MCCC2: variants seen among roughly 807,000 people sequenced by gnomAD.
MCCC2 encodes methylcrotonoyl-CoA carboxylase beta chain, mitochondrial.
In MCCC2, 52 loss-of-function variants were observed where a neutral mutation model predicts 77.2. The observed-to-expected ratio is 0.67, with a 90% CI of 0.54 to 0.85. The LOEUF is 0.85. Among genes scored for constraint, MCCC2 ranks in the 40% least tolerant of loss-of-function variants. MCCC2 has a pLI of 0.00. For synonymous variants in MCCC2, 253 were observed against 248.4 expected, an observed-to-expected ratio of 1.02 and a Z score of -0.18; for missense variants, 682 against 703.2, an observed-to-expected ratio of 0.97 and a Z score of 0.34.
chr5:71,601,371 A>G (rs560477895), intron 4 of MCCC2, among the ~76,000 whole-genome samples: 94 of 152,334 alleles, frequency 6.2e-4, no homozygotes, highest in African/African-American at 2.1e-3. Flanking sequence ...AAGTATGAGC[A>G]CACACTCTGG....
At chr5:71,617,726 A>C (rs1746213773) in intron 6 of MCCC2, among the ~76,000 whole-genome samples, 1 of 152,100 alleles carries the variant, frequency 6.6e-6, no homozygotes, top group Admixed American at 6.6e-5. Context: ...TCCTTACTCA[A>C]ATTTAGTTGT....
At position 71,626,756 on chromosome 5, in the gene MCCC2, A is replaced by G; in HGVS notation, c.738+3A>G. ...TTTTCTTGGCAGGACCCCCCTTGGT[A>G]AGAACATAAGAACGTTGGTCGATGG... is the stretch of plus-strand genomic sequence containing the variant. On this transcript the variant is annotated splice_donor_region_variant and intron_variant, in intron 7 of 16. Coordinates refer to ENST00000340941, the MANE Select transcript of MCCC2 (RefSeq NM_022132.5). The G allele has an allele frequency of 6.2e-7, 1 of 1,612,300 alleles. No individual in the cohort carries two copies. The highest frequency in any genetic ancestry group is 2.2e-5 in the East Asian group (1 of 44,876).
intron 8 of MCCC2, among the ~76,000 whole-genome samples, chr5:71,633,246 G>A (rs967871011): frequency 4.6e-5 from 7 of 150,988 alleles, no homozygotes; most frequent in African/African-American, 1.7e-4. Flanking sequence ...TTACAGGAGT[G>A]AGCCACTGCA....
chr5:71,589,191 C>G (rs752589387), intron 1 of MCCC2, among the ~76,000 whole-genome samples: 2 of 152,134 alleles, frequency 1.3e-5, no homozygotes, highest in Non-Finnish European at 2.9e-5. Flanking sequence ...GAGTTTCCAA[C>G]TGGGCAGAAT....
At chr5:71,604,580 A>AAC in intron 6 of MCCC2, 112 bp downstream of exon 6, 1 of 811,414 alleles carries the variant, frequency 1.2e-6, no homozygotes, top group Non-Finnish European at 2.0e-6. Context: ...ACAAAATCTA[A>AAC]TCTTTTTTTT....
chr5:71,631,723 G>T (rs1192708457), intron 7 of MCCC2, among the ~76,000 whole-genome samples: 1 of 151,848 alleles, frequency 6.6e-6, no homozygotes, highest in Non-Finnish European at 1.5e-5. Context: ...TGTATTTTTA[G>T]TAGAGACGGG....
At chr5:71,631,161 A>G (rs1746692796) in intron 7 of MCCC2, among the ~76,000 whole-genome samples, 1 of 152,174 alleles carries the variant, frequency 6.6e-6, no homozygotes, top group Non-Finnish European at 1.5e-5. Context: ...CATGTTATTG[A>G]GTATTCAAAG....
intron 7 of MCCC2, among the ~76,000 whole-genome samples, chr5:71,631,121 G>T (rs1746692031): frequency 6.6e-6 from 1 of 152,104 alleles, no homozygotes; most frequent in Non-Finnish European, 1.5e-5. Context: ...TTCCTATGCA[G>T]AGTTTGTGAT....
chr5:71,646,142 T>G (rs1320856515), intron 12 of MCCC2, 69 bp from the exon 13 acceptor site: 2 of 1,339,736 alleles, frequency 1.5e-6, no homozygotes, highest in African/African-American at 2.9e-5. Flanking sequence ...AGTTGTGGTG[T>G]TTGTAGAATG....
chr5:71,607,283 C>T (rs1745721194), intron 6 of MCCC2, among the ~76,000 whole-genome samples: 1 of 152,272 alleles, frequency 6.6e-6, no homozygotes, highest in East Asian at 1.9e-4. Flanking sequence ...AGAGATTCAA[C>T]TTCTTCCTGG....
At chr5:71,601,622 T>G (rs1745438391) in intron 4 of MCCC2, among the ~76,000 whole-genome samples, 1 of 152,234 alleles carries the variant, frequency 6.6e-6, no homozygotes, top group African/African-American at 2.4e-5. Context: ...TACCCTGTGC[T>G]GGGTGTTCAG....
At chr5:71,606,818 C>T (rs1466327753) in intron 6 of MCCC2, among the ~76,000 whole-genome samples, 58 of 135,752 alleles carry the variant, frequency 4.3e-4, no homozygotes, top group South Asian at 7.7e-4. Flanking sequence ...GCTTTTTCTG[C>T]ATCTATTGAG....
chr5:71,610,301 G>A lies in MCCC2; in HGVS notation c.624+5833G>A, dbSNP rs150904439. Among the ~76,000 whole-genome samples the A allele has an allele frequency of 6.9e-3, 1,044 of 152,304 alleles. 8 individuals are homozygous for A. Among genetic ancestry groups the A allele is most frequent in the African/African-American group, 0.02 (823 of 41,570 alleles). ...CGTTTTTTAAGCTGGTCCGAAAAGC[G>A]CAATATTCGGGTGGGAGTGACCCGA... On this transcript the variant is annotated intron_variant, in intron 6 of 16. Transcript: ENST00000340941.
At chr5:71,637,683 A>G (rs575626701) in intron 10 of MCCC2, among the ~76,000 whole-genome samples, 30 of 152,250 alleles carry the variant, frequency 2.0e-4, no homozygotes, top group Non-Finnish European at 2.9e-5. Context: ...TATTCTCTGT[A>G]GTATGCAATA....
At chr5:71,624,633 T>A (rs1252902904) in intron 6 of MCCC2, among the ~76,000 whole-genome samples, 1 of 150,960 alleles carries the variant, frequency 6.6e-6, no homozygotes, top group Non-Finnish European at 1.5e-5. Context: ...CACCTCAGCC[T>A]CCCAAAGTGC....
chr5:71,626,015 G>A (rs1201021419), intron 6 of MCCC2, among the ~76,000 whole-genome samples: 1 of 152,020 alleles, frequency 6.6e-6, no homozygotes, highest in Non-Finnish European at 1.5e-5. Flanking sequence ...TAATTTCTGA[G>A]CAAGATTTTT....
Position 71,656,723 on chromosome 5 carries a change from T to C in MCCC2, c.1575-20T>C, listed in dbSNP as rs1400079270. On this transcript the variant is annotated intron_variant, in intron 16 of 16. Transcript: ENST00000340941. Reference sequence around the variant, plus strand: ...TAGTTTGGTGGTAAATTCATAACTCTTTTTTTGTTCTTTTGTCAGGGTATG... The same window carrying C: ...TAGTTTGGTGGTAAATTCATAACTCCTTTTTTGTTCTTTTGTCAGGGTATG... 1 of 1,587,780 alleles carries C rather than the reference T, an allele frequency of 6.3e-7. No homozygotes were observed. The highest frequency in any genetic ancestry group is 2.2e-5 in the East Asian group (1 of 44,706).
rs561254482 is a variant in MCCC2 at position 71,593,045 on chromosome 5, A to G, written c.196+53A>G. 12 of 1,435,086 alleles carry G rather than the reference A, an allele frequency of 8.4e-6. No individual in the cohort carries two copies. The African/African-American group carries it at 1.5e-4, about 18-fold the overall frequency. The allele number at this position is 1,435,086 out of a possible 1,614,324, so 88.9% of individuals were successfully genotyped here. A position where few individuals can be genotyped will look rare whatever the true frequency, so the allele number is the denominator to read the frequency against. Reference sequence around the variant, plus strand: ...ATGCCTTTACTTAAGATGTCCTAAAATAGTTATTGCTTTTAGGAAAAATAC... The same window carrying G: ...ATGCCTTTACTTAAGATGTCCTAAAGTAGTTATTGCTTTTAGGAAAAATAC... On this transcript the variant is annotated intron_variant, in intron 2 of 16. Coordinates refer to ENST00000340941, the MANE Select transcript of MCCC2 (RefSeq NM_022132.5).
chr5:71,605,551 T>A (rs1012595879), intron 6 of MCCC2, among the ~76,000 whole-genome samples: 1 of 150,346 alleles, frequency 6.7e-6, no homozygotes, highest in African/African-American at 2.4e-5. Flanking sequence ...TGATGGTAGT[T>A]TCTTTTGCTG....
Sources: gnomAD v4.1 joint callset for allele counts (sites outside exome capture counted in the v4.1 genomes callset) on GRCh38, gnomAD v4.1.1 for gene constraint, MANE v1.5 for transcripts, NCBI Gene and HGNC (gene_info 2026-07-23, HGNC 2026-07-21) for gene names.